Variants in EPHB2 observed in about 807,000 individuals in gnomAD.
EPHB2 encodes EPH receptor B2.
Under a neutral mutation model 96.4 loss-of-function variants are expected in EPHB2, and 18 were observed. That is an observed-to-expected ratio of 0.19 (90% CI 0.13 to 0.28). EPHB2 has a LOEUF of 0.28. Ranked by LOEUF, EPHB2 falls within the 10% of genes least tolerant of loss-of-function variation. The probability of loss-of-function intolerance (pLI) is 1.00; values close to 1 mark genes in which losing one functional copy is unlikely to be tolerated. For missense variants in EPHB2, 989 were observed against 1,355.4 expected, an observed-to-expected ratio of 0.73 and a Z score of 4.25; for synonymous variants, 506 against 534.1, an observed-to-expected ratio of 0.95 and a Z score of 0.72.
Position 22,921,385 on chromosome 1 carries a change from G to A in EPHB2, c.*7815G>A, listed in dbSNP as rs1467754574. ...TCCGGACCCCACTGCTGTGACCAAG[G>A]AAATCTCACCAGCTGTGTCCAAGAT... On this transcript the variant is annotated 3_prime_UTR_variant, in exon 16 of 16. Coordinates refer to ENST00000374630, the MANE Select transcript of EPHB2 (RefSeq NM_017449.5). The A allele has an allele frequency of 6.6e-6, 1 of 152,192 alleles. No homozygotes were observed. The highest frequency in any genetic ancestry group is 1.5e-5 in the Non-Finnish European group (1 of 68,040). The allele number at this position is 152,192 out of a possible 1,614,324, so 9.4% of individuals were successfully genotyped here.
At chr1:22,776,865 C>T (rs74060681) in intron 1 of EPHB2, among the ~76,000 whole-genome samples, 2,120 of 152,316 alleles carry the variant, frequency 0.014, 52 homozygotes, top group African/African-American at 0.048. Flanking sequence ...TCAAGTCTGG[C>T]AGATGGGGAG....
chr1:22,726,020 T>A (rs1283361020), intron 1 of EPHB2, among the ~76,000 whole-genome samples: 1 of 152,206 alleles, frequency 6.6e-6, no homozygotes, highest in East Asian at 1.9e-4. Context: ...CCGTACATCC[T>A]TCCTTCTCAC....
intron 3 of EPHB2, among the ~76,000 whole-genome samples, chr1:22,823,579 C>T (rs868655701): frequency 3.3e-5 from 5 of 152,136 alleles, no homozygotes; most frequent in South Asian, 2.1e-4. Context: ...CAGTTAGGAA[C>T]TGTGTCTGTC....
At chr1:22,776,276 C>T (rs1644451753) in intron 1 of EPHB2, among the ~76,000 whole-genome samples, 1 of 152,210 alleles carries the variant, frequency 6.6e-6, no homozygotes, top group Non-Finnish European at 1.5e-5. Context: ...CAGTCACTCC[C>T]CACTCACCCA....
rs1177408246 is a variant in EPHB2 at position 22,919,156 on chromosome 1, C to G, written c.*5586C>G. Reference sequence around the variant, plus strand: ...GGAGATTCCTCCAGACATGGAAATCCTCACTTGACTCTTCCCCCATAACAA... The same window carrying G: ...GGAGATTCCTCCAGACATGGAAATCGTCACTTGACTCTTCCCCCATAACAA... On this transcript the variant is annotated 3_prime_UTR_variant, in exon 16 of 16. Coordinates refer to ENST00000374630, the MANE Select transcript of EPHB2 (RefSeq NM_017449.5). 1 of 152,238 alleles carries G rather than the reference C, an allele frequency of 6.6e-6. No individual in the cohort carries two copies. The highest frequency in any genetic ancestry group is 1.5e-5 in the Non-Finnish European group (1 of 68,064). The allele number at this position is 152,238 out of a possible 1,614,324, so 9.4% of individuals were successfully genotyped here. A position where few individuals can be genotyped will look rare whatever the true frequency, so the allele number is the denominator to read the frequency against.
intron 3 of EPHB2, among the ~76,000 whole-genome samples, chr1:22,815,483 T>G (rs1645062459): frequency 6.6e-6 from 1 of 152,190 alleles, no homozygotes. Context: ...ACCATGAAGC[T>G]TCTCAGTGAA....
chr1:22,796,912 T>A lies in EPHB2; in HGVS notation c.811+11836T>A, dbSNP rs957221295. On this transcript the variant is annotated intron_variant, in intron 3 of 15. Transcript: ENST00000374630. Reference sequence around the variant, plus strand: ...GAGAGGTTAAATAACCAAGCCAAGGTCACACAGCTAATGGACAGAGGAGCC... The same window carrying A: ...GAGAGGTTAAATAACCAAGCCAAGGACACACAGCTAATGGACAGAGGAGCC... 3.3e-5 allele frequency among the ~76,000 whole-genome samples: 5 copies of A among 152,296 alleles called. No homozygotes were observed. In the South Asian group the frequency reaches 6.2e-4, roughly 19 times the overall value.
At chr1:22,716,914 C>T (rs890148771) in intron 1 of EPHB2, among the ~76,000 whole-genome samples, 5 of 152,320 alleles carry the variant, frequency 3.3e-5, no homozygotes, top group African/African-American at 4.8e-5. Flanking sequence ...ACCAAGGACC[C>T]GTCTCCTGAC....
intron 7 of EPHB2, 132 bp downstream of exon 7, chr1:22,893,178 C>G: frequency 2.1e-6 from 3 of 1,415,008 alleles, no homozygotes; most frequent in Non-Finnish European, 3.0e-6. Context: ...AGCCCTCCCT[C>G]CCTCCTAATT....
At chr1:22,757,698 C>T (rs1644172533) in intron 1 of EPHB2, among the ~76,000 whole-genome samples, 1 of 151,960 alleles carries the variant, frequency 6.6e-6, no homozygotes, top group Admixed American at 6.6e-5. Flanking sequence ...CCTGTCTCTA[C>T]AAAAAATAAA....
intron 3 of EPHB2, among the ~76,000 whole-genome samples, chr1:22,831,179 G>A (rs538636623): frequency 6.6e-6 from 1 of 152,294 alleles, no homozygotes; most frequent in South Asian, 2.1e-4. Flanking sequence ...AGAACAGCAG[G>A]TCCACTGGGG....
intron 3 of EPHB2, among the ~76,000 whole-genome samples, chr1:22,803,117 A>C (rs1161933526): frequency 6.6e-6 from 1 of 152,172 alleles, no homozygotes; most frequent in Admixed American, 6.5e-5. Flanking sequence ...GGCTCTGGCT[A>C]TCCTAACCTG....
chr1:22,851,756 A>G (rs1645628913), intron 3 of EPHB2, among the ~76,000 whole-genome samples: 1 of 152,062 alleles, frequency 6.6e-6, no homozygotes, highest in African/African-American at 2.4e-5. Context: ...ACCCTGAACT[A>G]TTTGTAGCTC....
chr1:22,715,940 C>G (rs1643282612), intron 1 of EPHB2, among the ~76,000 whole-genome samples: 1 of 152,256 alleles, frequency 6.6e-6, no homozygotes, highest in Non-Finnish European at 1.5e-5. Flanking sequence ...ACATTAAATG[C>G]TGGTCTCAAC....
chr1:22,820,124 G>T (rs116329234), intron 3 of EPHB2, among the ~76,000 whole-genome samples: 7 of 152,164 alleles, frequency 4.6e-5, no homozygotes, highest in Non-Finnish European at 1.0e-4. Context: ...GGGGAGGCAG[G>T]CTCAGAAAGG....
At chr1:22,808,591 A>T (rs1468636456) in intron 3 of EPHB2, among the ~76,000 whole-genome samples, 1 of 152,236 alleles carries the variant, frequency 6.6e-6, no homozygotes, top group Non-Finnish European at 1.5e-5. Flanking sequence ...AGATGAGAAC[A>T]TCCAAATAGT....
At chr1:22,713,903 C>T (rs1366652998) in intron 1 of EPHB2, among the ~76,000 whole-genome samples, 3 of 152,112 alleles carry the variant, frequency 2.0e-5, no homozygotes, top group South Asian at 2.1e-4. Context: ...GACCGCCCCC[C>T]GACCAAGTGA....
chr1:22,801,866 C>T (rs1269880004), intron 3 of EPHB2, among the ~76,000 whole-genome samples: 2 of 152,238 alleles, frequency 1.3e-5, no homozygotes, highest in Non-Finnish European at 2.9e-5. Context: ...TTCTCCTCTA[C>T]CCAGCGTTTC....
intron 1 of EPHB2, among the ~76,000 whole-genome samples, chr1:22,715,873 C>T (rs1056163183): frequency 2.6e-5 from 4 of 152,218 alleles, no homozygotes; most frequent in African/African-American, 9.6e-5. Flanking sequence ...AGCGCAGACT[C>T]CCTGCACTTC....
Sources: allele counts gnomAD v4.1 joint callset (sites outside exome capture counted in the v4.1 genomes callset), GRCh38; gene constraint gnomAD v4.1.1; transcripts MANE v1.5; gene names NCBI Gene and HGNC (gene_info 2026-07-23, HGNC 2026-07-21).